TECRL: variants seen among roughly 807,000 people sequenced by gnomAD.
The protein encoded by TECRL is trans-2,3-enoyl-CoA reductase-like.
In TECRL, 63 loss-of-function variants were observed where a neutral mutation model predicts 52.8. That is an observed-to-expected ratio of 1.19 (90% confidence interval 0.97 to 1.47). The LOEUF is 1.47. Among genes scored for constraint, TECRL ranks in the 40% most tolerant of loss-of-function variants. The pLI is 0.00. For missense variants in TECRL, 482 were observed against 429.6 expected (o/e 1.12, Z -1.08); for synonymous variants, 164 against 141.9 (o/e 1.16, Z -1.10).
At chr4:64,281,747 A>G (rs954299054) in intron 9 of TECRL, among the ~76,000 whole-genome samples, 188 bp from the exon 10 acceptor site, 2 of 151,936 alleles carry the variant, frequency 1.3e-5, no homozygotes, top group African/African-American at 4.8e-5. Flanking sequence ...CTTTTGACTC[A>G]AATAAAATAG....
chr4:64,308,268 T>C (rs769241526), intron 6 of TECRL, among the ~76,000 whole-genome samples: 3 of 152,104 alleles, frequency 2.0e-5, no homozygotes, highest in Non-Finnish European at 4.4e-5. Flanking sequence ...CCAAGATGCT[T>C]ACTCAGAAGA....
chr4:64,307,092 C>T (rs979662874), intron 6 of TECRL, among the ~76,000 whole-genome samples: 5 of 152,106 alleles, frequency 3.3e-5, no homozygotes, highest in Admixed American at 3.3e-4. Context: ...GTTTAACAAC[C>T]CCTGGGCAGG....
At chr4:64,296,901 C>T (rs181673161) in intron 8 of TECRL, among the ~76,000 whole-genome samples, 99 of 151,538 alleles carry the variant, frequency 6.5e-4, no homozygotes, top group African/African-American at 2.3e-3. Context: ...CATAAATTTG[C>T]CTGTATTTGA....
At chr4:64,394,306 C>T (rs1387698074) in intron 1 of TECRL, among the ~76,000 whole-genome samples, 1 of 152,098 alleles carries the variant, frequency 6.6e-6, no homozygotes, top group African/African-American at 2.4e-5. Flanking sequence ...AGACAACTAT[C>T]AAACATAATA....
chr4:64,397,044 G>C (rs984174669), intron 1 of TECRL, among the ~76,000 whole-genome samples: 1 of 152,120 alleles, frequency 6.6e-6, no homozygotes, highest in South Asian at 2.1e-4. Context: ...GAACATGAGA[G>C]AGAACCCAGA....
At chr4:64,289,132 C>G (rs572194235) in intron 9 of TECRL, among the ~76,000 whole-genome samples, 1 of 152,182 alleles carries the variant, frequency 6.6e-6, no homozygotes, top group South Asian at 2.1e-4. Flanking sequence ...ATAATGGTTC[C>G]TATTTTGATT....
intron 2 of TECRL, among the ~76,000 whole-genome samples, chr4:64,348,218 G>A (rs1720127883): frequency 6.6e-6 from 1 of 152,130 alleles, no homozygotes; most frequent in South Asian, 2.1e-4. Context: ...ATGGCGGAAG[G>A]CAAAGACGAA....
intron 2 of TECRL, among the ~76,000 whole-genome samples, chr4:64,363,348 C>T (rs931239032): frequency 1.3e-5 from 2 of 152,098 alleles, no homozygotes; most frequent in Non-Finnish European, 2.9e-5. Flanking sequence ...TTGAAGTGCT[C>T]GTTCCCCGGT....
intron 2 of TECRL, among the ~76,000 whole-genome samples, chr4:64,357,137 A>T (rs1477180891): frequency 6.6e-6 from 1 of 152,296 alleles, no homozygotes; most frequent in East Asian, 1.9e-4. Context: ...CCTATGCGTT[A>T]AATGATACTA....
intron 7 of TECRL, among the ~76,000 whole-genome samples, chr4:64,302,962 C>A (rs1034929914): frequency 3.3e-5 from 5 of 151,086 alleles, no homozygotes; most frequent in Non-Finnish European, 7.4e-5. Context: ...AATATCACCT[C>A]ATTTTGTTTT....
chr4:64,409,206 G>A lies in TECRL; in HGVS notation c.146C>T (p.Thr49Ile), dbSNP rs779723331. Reference sequence around the variant, plus strand: ...CGTTTTTGAATGTTTGACTGCTGGAGTTGGTCTTAGAGGGCCCGCTGAGAG... The same window carrying A: ...CGTTTTTGAATGTTTGACTGCTGGAATTGGTCTTAGAGGGCCCGCTGAGAG... ...LVLSAGPLRPTPAVKHSKTTH... is the reference protein window; with the variant it reads ...LVLSAGPLRPIPAVKHSKTTH... Residue 49 changes from threonine to isoleucine, a missense_variant, in exon 1 of 12, where the codon ACT (threonine) becomes ATT (isoleucine). Coordinates refer to ENST00000381210, the MANE Select transcript of TECRL (RefSeq NM_001010874.5). 9 of 1,613,774 alleles carry A rather than the reference G, an allele frequency of 5.6e-6. No individual in the cohort carries two copies. The highest frequency in any genetic ancestry group is 7.6e-6 in the Non-Finnish European group (9 of 1,179,812).
At chr4:64,332,997 A>C (rs919144649) in intron 2 of TECRL, among the ~76,000 whole-genome samples, 1 of 151,988 alleles carries the variant, frequency 6.6e-6, no homozygotes. Flanking sequence ...ATATTAAAGA[A>C]TTACTGTAAA....
chr4:64,339,194 A>T (rs1378358742), intron 2 of TECRL, among the ~76,000 whole-genome samples: 1 of 150,544 alleles, frequency 6.6e-6, no homozygotes, highest in Admixed American at 6.6e-5. Context: ...CAAAAAACCA[A>T]ACACCACATG....
chr4:64,380,353 A>G (rs1405266323), intron 1 of TECRL, among the ~76,000 whole-genome samples: 1 of 151,418 alleles, frequency 6.6e-6, no homozygotes, highest in Non-Finnish European at 1.5e-5. Context: ...ATTTTCTTCC[A>G]CTCTTTTGCC....
intron 2 of TECRL, among the ~76,000 whole-genome samples, chr4:64,334,513 C>T (rs1427891681): frequency 6.6e-6 from 1 of 152,158 alleles, no homozygotes; most frequent in Non-Finnish European, 1.5e-5. Context: ...TCATTCTCAA[C>T]AACTAAAAGT....
intron 8 of TECRL, among the ~76,000 whole-genome samples, chr4:64,293,429 T>C (rs902401814): frequency 6.6e-6 from 1 of 152,142 alleles, no homozygotes. Flanking sequence ...TACCGTGCTC[T>C]ACAATTTTTT....
intron 8 of TECRL, among the ~76,000 whole-genome samples, chr4:64,291,363 C>G (rs1200308931): frequency 6.6e-6 from 1 of 152,142 alleles, no homozygotes; most frequent in South Asian, 2.1e-4. Flanking sequence ...CCCATAATTA[C>G]TAAACTAATG....
At chr4:64,316,162 G>A (rs917297698) in intron 4 of TECRL, among the ~76,000 whole-genome samples, 1 of 152,038 alleles carries the variant, frequency 6.6e-6, no homozygotes, top group African/African-American at 2.4e-5. Flanking sequence ...AATTCTCTAA[G>A]AATATATCAG....
chr4:64,343,523 C>T (rs755841603), intron 2 of TECRL, among the ~76,000 whole-genome samples: 1 of 151,766 alleles, frequency 6.6e-6, no homozygotes, highest in Non-Finnish European at 1.5e-5. Context: ...ATCATGATAT[C>T]CCTCAAAGCA....
Sources: gnomAD v4.1 joint callset for allele counts (sites outside exome capture counted in the v4.1 genomes callset) on GRCh38, gnomAD v4.1.1 for gene constraint, MANE v1.5 for transcripts, NCBI Gene and HGNC (gene_info 2026-07-23, HGNC 2026-07-21) for gene names.